Variants in PCDH15 observed in about 807,000 individuals in gnomAD.
PCDH15 encodes protocadherin-15.
A neutral mutation model predicts 178.5 loss-of-function variants in PCDH15; 129 were observed. The observed-to-expected ratio is 0.72, with a 90% CI of 0.63 to 0.84. The LOEUF (loss-of-function observed/expected upper bound fraction) is 0.84. Among genes scored for constraint, PCDH15 ranks in the 40% least tolerant of loss-of-function variants. PCDH15 has a pLI of 0.00. For synonymous variants in PCDH15, 800 were observed against 732.0 expected (o/e 1.09, Z -1.50); for missense variants, 2,230 against 2,099.9 (o/e 1.06, Z -1.21).
intron 2 of PCDH15, among the ~76,000 whole-genome samples, chr10:54,634,167 A>G (rs541073845): frequency 1.3e-5 from 2 of 148,732 alleles, no homozygotes; most frequent in Non-Finnish European, 3.0e-5. Context: ...AACTTTTTAT[A>G]TGGTAAATTA....
intron 15 of PCDH15, among the ~76,000 whole-genome samples, chr10:54,100,798 T>C (rs2094796136): frequency 6.6e-6 from 1 of 152,086 alleles, no homozygotes; most frequent in Non-Finnish European, 1.5e-5. Context: ...GCAGAGATAG[T>C]ACATCAAATT....
intron 18 of PCDH15, among the ~76,000 whole-genome samples, chr10:54,031,624 A>G (rs1329370283): frequency 6.6e-6 from 1 of 152,120 alleles, no homozygotes; most frequent in African/African-American, 2.4e-5. Flanking sequence ...AACGCAAATG[A>G]ACTGAAGGTG....
chr10:54,831,739 T>G (rs1953230465), intron 3 of PCDH15, among the ~76,000 whole-genome samples: 1 of 152,146 alleles, frequency 6.6e-6, no homozygotes, highest in African/African-American at 2.4e-5. Flanking sequence ...AAGATAAATT[T>G]AATTTTATAT....
At chr10:54,532,863 C>T (rs1207080256) in intron 2 of PCDH15, among the ~76,000 whole-genome samples, 1 of 152,068 alleles carries the variant, frequency 6.6e-6, no homozygotes, top group Admixed American at 6.6e-5. Context: ...CTCCAGTCTC[C>T]TCCCACATCT....
At chr10:55,343,341 T>C (rs1260973645) in intron 2 of PCDH15, among the ~76,000 whole-genome samples, 1 of 152,210 alleles carries the variant, frequency 6.6e-6, no homozygotes, top group Non-Finnish European at 1.5e-5. Flanking sequence ...ATTCTAGAGT[T>C]AATTGATGGT....
chr10:54,712,644 T>G (rs2095438146), intron 1 of PCDH15, among the ~76,000 whole-genome samples: 2 of 151,950 alleles, frequency 1.3e-5, no homozygotes, highest in South Asian at 4.1e-4. Flanking sequence ...TGTACAAAAC[T>G]AAGGGGGCAG....
intron 1 of PCDH15, among the ~76,000 whole-genome samples, chr10:55,224,762 C>T (rs1363014148): frequency 1.3e-5 from 2 of 152,084 alleles, no homozygotes; most frequent in Non-Finnish European, 2.9e-5. Context: ...GCCTACAGGG[C>T]TTGCGTGATA....
At chr10:55,043,868 G>A (rs1228064631) in intron 2 of PCDH15, among the ~76,000 whole-genome samples, 1 of 152,070 alleles carries the variant, frequency 6.6e-6, no homozygotes, top group East Asian at 1.9e-4. Context: ...GTGAAGGGGA[G>A]CAGAAAAGAA....
chr10:55,490,198 G>T (rs149009803), intron 2 of PCDH15, among the ~76,000 whole-genome samples: 50 of 151,852 alleles, frequency 3.3e-4, no homozygotes, highest in African/African-American at 1.1e-3. Context: ...AATTCAGAAA[G>T]AAAACACTAA....
At chr10:55,025,428 CAT>C (rs759404456) in intron 2 of PCDH15, among the ~76,000 whole-genome samples, 12 of 152,050 alleles carry the variant, frequency 7.9e-5, no homozygotes, top group South Asian at 2.1e-4. Context: ...TTGAAAACTG[CAT>C]AGTTTTTGTT....
chr10:55,364,692 T>C (rs191207554), intron 2 of PCDH15, among the ~76,000 whole-genome samples: 303 of 152,238 alleles, frequency 2.0e-3, no homozygotes, highest in Non-Finnish European at 3.3e-3. Context: ...TTTTCTGAGA[T>C]AGTCATGGAA....
Position 55,444,212 on chromosome 10 carries a change from A to C in PCDH15, c.-156+183413T>G, listed in dbSNP as rs565182657. Among the ~76,000 whole-genome samples the C allele has an allele frequency of 1.4e-4, 21 of 151,762 alleles. No homozygotes were observed. In the South Asian group the frequency reaches 4.4e-3, roughly 32 times the overall value. The stretch of plus-strand genomic sequence containing the variant: ...GATGGGTGGATGGGTGCAGCAAACC[A>C]CCATGGCACGTGTATACCTATGTAA... On this transcript the variant is annotated intron_variant, in intron 2 of 5. Transcript: ENST00000613346.
chr10:55,069,928 G>A (rs1389668070), intron 2 of PCDH15, among the ~76,000 whole-genome samples: 1 of 152,046 alleles, frequency 6.6e-6, no homozygotes, highest in East Asian at 1.9e-4. Context: ...TCCACATTCT[G>A]TCCAGCACCT....
chr10:55,224,558 G>C (rs1159038455), intron 1 of PCDH15, among the ~76,000 whole-genome samples: 2 of 152,082 alleles, frequency 1.3e-5, no homozygotes, highest in African/African-American at 4.8e-5. Flanking sequence ...ACTAACCTTA[G>C]CTGATCCAAC....
chr10:55,513,008 T>C (rs187496324), intron 2 of PCDH15: 1 of 152,250 alleles, frequency 6.6e-6, no homozygotes, highest in Admixed American at 6.6e-5. Context: ...GAACATTGTC[T>C]TACCTATATT....
chr10:54,253,285 T>C (rs2384424), intron 8 of PCDH15, among the ~76,000 whole-genome samples: 107,169 of 151,822 alleles, frequency 0.71, 38,748 homozygotes, highest in Middle Eastern at 0.76. Flanking sequence ...TTAAAGTTAC[T>C]GCATTTTCCT....
At chr10:55,563,402 G>A (rs12264767) in intron 2 of PCDH15, among the ~76,000 whole-genome samples, 51,574 of 151,548 alleles carry the variant, frequency 0.34, 9,032 homozygotes, top group East Asian at 0.49. Context: ...GCAGGTTCAT[G>A]AAATACTAAT....
At chr10:55,626,523 G>A (rs1474395416) in intron 2 of PCDH15, among the ~76,000 whole-genome samples, 5 of 152,072 alleles carry the variant, frequency 3.3e-5, no homozygotes, top group Admixed American at 1.3e-4. Flanking sequence ...GAAATTCCAG[G>A]CACTGATTTT....
intron 14 of PCDH15, among the ~76,000 whole-genome samples, chr10:54,133,330 A>G (rs937358564): frequency 6.6e-6 from 1 of 152,194 alleles, no homozygotes; most frequent in African/African-American, 2.4e-5. Context: ...TGCTTCTCTA[A>G]TAGCAAAATC....
Sources: allele counts gnomAD v4.1 joint callset (sites outside exome capture counted in the v4.1 genomes callset), GRCh38; gene constraint gnomAD v4.1.1; transcripts MANE v1.5; gene names NCBI Gene and HGNC (gene_info 2026-07-23, HGNC 2026-07-21).